STN1: variants seen among roughly 807,000 people sequenced by gnomAD.
The protein encoded by STN1 is STN1 subunit of CST complex, also known as CST complex subunit STN1.
Under a neutral mutation model 45.5 loss-of-function variants are expected in STN1, and 29 were observed. The ratio of observed to expected loss-of-function variants is 0.64; its 90% CI spans 0.47 to 0.87. The LOEUF (loss-of-function observed/expected upper bound fraction) is 0.87. STN1 is among the 40% of genes least tolerant of loss of function. The pLI is 0.00. For missense variants in STN1, 376 were observed against 441.4 expected (o/e 0.85, Z 1.33); for synonymous variants, 148 against 159.0 (o/e 0.93, Z 0.52).
intron 2 of STN1, among the ~76,000 whole-genome samples, chr10:103,915,816 T>C (rs1843327088): frequency 6.6e-6 from 1 of 151,824 alleles, no homozygotes. Context: ...GGGATGGGGG[T>C]TGGGGGAACG....
chr10:103,901,378 A>C (rs188232332), intron 4 of STN1, among the ~76,000 whole-genome samples: 1 of 152,182 alleles, frequency 6.6e-6, no homozygotes, highest in East Asian at 1.9e-4. Context: ...CAGTTTTATA[A>C]ATTTTTACTT....
chr10:103,909,408 G>GTATGTA (rs1843268643), intron 3 of STN1, among the ~76,000 whole-genome samples: 4 of 46,636 alleles, frequency 8.6e-5, no homozygotes, highest in Admixed American at 3.2e-4. Flanking sequence ...GTATATATAT[G>GTATGTA]TATATATGTA....
intron 3 of STN1, among the ~76,000 whole-genome samples, chr10:103,906,770 A>G (rs1183074101): frequency 6.6e-6 from 1 of 152,250 alleles, no homozygotes; most frequent in Non-Finnish European, 1.5e-5. Context: ...AAGATCTAAA[A>G]ATGGCCAATA....
rs1349161371 is a variant in STN1 at position 103,878,147 on chromosome 10, TC to T, written c.*4536del. 5 of 152,244 alleles carry T rather than the reference TC, an allele frequency of 3.3e-5. No individual in the cohort carries two copies. Among genetic ancestry groups the T allele is most frequent in the Admixed American group, 2.0e-4 (3 of 15,290 alleles). The allele number at this position is 152,244 out of a possible 1,614,324, so 9.4% of individuals were successfully genotyped here. On this transcript the variant is annotated 3_prime_UTR_variant, in exon 10 of 10. Transcript: ENST00000224950. ...CTGGTGGCTTACCATATGGGCATAA[TC>T]ATGGCTCTTCAAACAAATCCTTGAC...
In STN1 at chr10:103,917,545, C is replaced by T. The variant is rs1331710310; in HGVS notation, c.50G>A (p.Trp17Ter). Residue 17 changes from tryptophan to a stop codon, truncating the protein, a stop_gained, in exon 2 of 10, where the codon TGG becomes TAG. Coordinates refer to ENST00000224950, the MANE Select transcript of STN1 (RefSeq NM_024928.5). LOFTEE classifies it high-confidence loss of function. ...RCEEETPSLL[W>*]GLDPVFLAFA... ...GGCTAGAAACACAGGATCCAAACCC[C>T]ACAAGAGGGAAGGGGTCTCCTCTTC... The T allele has an allele frequency of 2.4e-5, 38 of 1,614,160 alleles. No individual in the cohort carries two copies. The highest frequency in any genetic ancestry group is 3.2e-5 in the Non-Finnish European group (38 of 1,180,022).
At chr10:103,916,167 C>A (rs1486941637) in intron 2 of STN1, among the ~76,000 whole-genome samples, 2 of 152,180 alleles carry the variant, frequency 1.3e-5, no homozygotes, top group Non-Finnish European at 2.9e-5. Flanking sequence ...ACATTCTCAC[C>A]AGTGATAAAT....
chr10:103,917,021 T>C (rs75365912), intron 2 of STN1, among the ~76,000 whole-genome samples: 223 of 152,180 alleles, frequency 1.5e-3, no homozygotes, highest in African/African-American at 5.2e-3. Context: ...AAAGATTCCA[T>C]TACACAGGGT....
chr10:103,894,691 CAA>C (rs75334190), intron 7 of STN1, among the ~76,000 whole-genome samples: 8 of 106,452 alleles, frequency 7.5e-5, no homozygotes, highest in East Asian at 2.9e-4. Flanking sequence ...TGCTCACAGG[CAA>C]AAAAAAAAAA....
intron 3 of STN1, among the ~76,000 whole-genome samples, chr10:103,906,039 C>A (rs1843238614): frequency 6.6e-6 from 1 of 152,254 alleles, no homozygotes; most frequent in Non-Finnish European, 1.5e-5. Context: ...TGTAAAAGCA[C>A]ACACAATCCT....
At chr10:103,883,045 A>C (rs2073338) in intron 9 of STN1, among the ~76,000 whole-genome samples, 49,783 of 152,208 alleles carry the variant, frequency 0.33, 8,724 homozygotes, top group East Asian at 0.64. Flanking sequence ...CCACGGCGAC[A>C]TGGAGCCACT....
chr10:103,914,335 CATATATAT>C (rs1239270984), intron 2 of STN1, among the ~76,000 whole-genome samples: 2,931 of 35,076 alleles, frequency 0.084, 100 homozygotes, highest in Middle Eastern at 0.12. Context: ...ATTAAAAATA[CATATATAT>C]ATATATATAT....
chr10:103,899,562 C>T (rs1283292465), intron 5 of STN1, among the ~76,000 whole-genome samples: 1 of 152,096 alleles, frequency 6.6e-6, no homozygotes, highest in African/African-American at 2.4e-5. Context: ...TGGCGCATGC[C>T]TGTAGTTCCA....
chr10:103,892,053 A>T, intron 8 of STN1, 77 bp downstream of exon 8: 1 of 1,178,122 alleles, frequency 8.5e-7, no homozygotes, highest in Non-Finnish European at 1.2e-6. Flanking sequence ...AAGAATAATT[A>T]AGTGGTTATT....
chr10:103,906,871 C>T (rs1476645909), intron 3 of STN1, among the ~76,000 whole-genome samples: 1 of 152,178 alleles, frequency 6.6e-6, no homozygotes, highest in African/African-American at 2.4e-5. Context: ...ATTAAAAATA[C>T]TGATACCCTC....
At chr10:103,910,908 C>T (rs1366088531) in intron 2 of STN1, among the ~76,000 whole-genome samples, 1 of 152,024 alleles carries the variant, frequency 6.6e-6, no homozygotes, top group Non-Finnish European at 1.5e-5. Context: ...TCTGAATGCT[C>T]ACAAGGGGCC....
At chr10:103,899,713 A>G (rs573286141) in intron 5 of STN1, among the ~76,000 whole-genome samples, 2 of 152,294 alleles carry the variant, frequency 1.3e-5, no homozygotes, top group African/African-American at 4.8e-5. Flanking sequence ...TAAAGAAAAA[A>G]TAAAGAAATT....
intron 9 of STN1, among the ~76,000 whole-genome samples, chr10:103,884,172 G>A (rs1843089149): frequency 6.7e-6 from 1 of 148,570 alleles, no homozygotes; most frequent in Admixed American, 6.7e-5. Flanking sequence ...CTGAATCTGT[G>A]CTCCCCAGCT....
chr10:103,917,403 G>T, intron 2 of STN1, 59 bp downstream of exon 2: 2 of 1,555,604 alleles, frequency 1.3e-6, no homozygotes, highest in Non-Finnish European at 1.7e-6. Context: ...AGCTTTCTGA[G>T]ACTTTGGGAA....
chr10:103,911,300 C>G (rs2134375768), intron 2 of STN1, among the ~76,000 whole-genome samples: 1 of 152,260 alleles, frequency 6.6e-6, no homozygotes, highest in East Asian at 1.9e-4. Flanking sequence ...AGAGGGGCTG[C>G]TCAGAGCAGG....
Sources: allele counts gnomAD v4.1 joint callset (sites outside exome capture counted in the v4.1 genomes callset), GRCh38; gene constraint gnomAD v4.1.1; transcripts MANE v1.5; gene names NCBI Gene and HGNC (gene_info 2026-07-23, HGNC 2026-07-21).